DGKA: variants seen among roughly 807,000 people sequenced by gnomAD.
The protein encoded by DGKA is diacylglycerol kinase alpha.
DGKA carries 35 observed loss-of-function variants against 105.0 expected under a neutral mutation model. That is an observed-to-expected ratio of 0.33 (90% CI 0.25 to 0.44). The LOEUF (loss-of-function observed/expected upper bound fraction) is 0.44, where lower values mean the gene tolerates loss of function less well. Ranked by LOEUF, DGKA falls within the 20% of genes least tolerant of loss-of-function variation. The pLI is 1.00. For synonymous variants in DGKA, 296 were observed against 332.0 expected (o/e 0.89, Z 1.18); for missense variants, 665 against 915.0 (o/e 0.73, Z 3.53).
Position 55,938,751 on chromosome 12 carries a change from G to T in DGKA, c.400-164G>T, listed in dbSNP as rs1231550093. On this transcript the variant is annotated intron_variant, in intron 6 of 23. Coordinates refer to ENST00000331886, the MANE Select transcript of DGKA (RefSeq NM_001345.5). ...AGAGAATGCTGGATACATGAATTGG[G>T]TCTGCCTTACAAACATACAAACACA... The T allele has an allele frequency of 3.3e-6, 5 of 1,532,114 alleles. No individual in the cohort carries two copies. In the Admixed American group the frequency reaches 1.0e-4, roughly 31 times the overall value. 94.9% of individuals were successfully genotyped at this position (1,532,114 alleles called of 1,614,324 possible). A position where few individuals can be genotyped will look rare whatever the true frequency, so the allele number is the denominator to read the frequency against.
chr12:55,951,852 A>G, intron 18 of DGKA, 69 bp downstream of exon 18: 1 of 1,578,132 alleles, frequency 6.3e-7, no homozygotes, highest in Admixed American at 1.7e-5. Context: ...GGAGGAGAGC[A>G]GAAAAGGAGG....
intron 5 of DGKA, 51 bp downstream of exon 5, chr12:55,938,103 G>T (rs369998947): frequency 1.3e-6 from 2 of 1,486,776 alleles, no homozygotes; most frequent in Admixed American, 3.4e-5. Context: ...GGAGAGAGAG[G>T]TGTTTCCCAT....
At position 55,932,734 on chromosome 12, in the gene DGKA, CACA is replaced by C; in HGVS notation, c.-82+1391_-82+1393del. 1.6e-6 allele frequency: 1 copy of C among 620,796 alleles called. No homozygotes were observed. The highest frequency in any genetic ancestry group is 2.9e-6 in the Non-Finnish European group (1 of 340,280). 38.5% of individuals were successfully genotyped at this position (620,796 alleles called of 1,614,324 possible). A position where few individuals can be genotyped will look rare whatever the true frequency, so the allele number is the denominator to read the frequency against. ...GCACACACACACACACACACACACACACACACAACCCCCTCAGCCAGGTGTAGC... is the reference window on the plus strand; with the variant it reads ...GCACACACACACACACACACACACACCACAACCCCCTCAGCCAGGTGTAGC... On this transcript the variant is annotated intron_variant, in intron 1 of 23. Coordinates refer to ENST00000331886, the MANE Select transcript of DGKA (RefSeq NM_001345.5). The surrounding 1 kb of genome is among the most constrained non-coding windows in gnomAD (Gnocchi z 4.3).
rs776525725 is a variant in DGKA, at chr12:55,936,889, C to G, written c.65-128C>G. 7.6e-6 allele frequency: 7 copies of G among 921,784 alleles called. No individual in the cohort carries two copies. In the South Asian group the frequency reaches 7.8e-5, roughly 10 times the overall value. 57.1% of individuals were successfully genotyped at this position (921,784 alleles called of 1,614,324 possible). ...TTTGGAGGATCTGAAATATTTTTCC[C>G]TCTGTATTTCTGTGTTTCTTCTTGG... is the stretch of plus-strand genomic sequence containing the variant. On this transcript the variant is annotated intron_variant, in intron 2 of 23. Transcript: ENST00000331886.
At chr12:55,933,965 C>T (rs764199706) in intron 1 of DGKA, among the ~76,000 whole-genome samples, 1 of 152,130 alleles carries the variant, frequency 6.6e-6, no homozygotes, top group East Asian at 1.9e-4. Context: ...GCCCACATTG[C>T]GACTGATTTC....
Position 55,953,145 on chromosome 12 carries a change from C to A in DGKA, c.2048C>A (p.Ser683Tyr), listed in dbSNP as rs1362838495. ...GCTGGACGTCGGCTGGCCAAGTGCT[C>A]TGAGATCACCTTCCAGTAAGGAAGA... is the stretch of plus-strand genomic sequence containing the variant. ...KNAGRRLAKC[S>Y]EITFHTTKTL... The change falls in exon 22 of 24, where the codon TCT becomes TAT. Residue 683 changes from serine to tyrosine, a missense_variant. Transcript: ENST00000331886. 2 of 1,614,058 alleles carry A rather than the reference C, an allele frequency of 1.2e-6. No individual in the cohort carries two copies. The highest frequency in any genetic ancestry group is 3.3e-5 in the Admixed American group (2 of 60,010).
At chr12:55,928,036 T>G (rs1389274551), upstream of DGKA, 5 of 506,796 alleles carry the variant, frequency 9.9e-6, no homozygotes, top group Non-Finnish European at 1.7e-5. Context: ...GTAGTGTCAC[T>G]CCATTTGTAG....
chr12:55,934,757 G>C (rs371916122), intron 1 of DGKA, among the ~76,000 whole-genome samples: 27 of 152,224 alleles, frequency 1.8e-4, no homozygotes, highest in African/African-American at 6.5e-4. Context: ...CTGTCAGGTG[G>C]ACACTCTGGC....
chr12:55,938,409 C>T (rs1885205306), intron 5 of DGKA, 102 bp from the exon 6 acceptor site: 3 of 1,492,984 alleles, frequency 2.0e-6, no homozygotes, highest in Non-Finnish European at 2.8e-6. Flanking sequence ...GGCTTCTCAC[C>T]CAAAAGCTCT....
At position 55,941,501 on chromosome 12, in the gene DGKA, C is replaced by T. The variant is rs1173382710; in HGVS notation, c.1176-9C>T. 1 of 1,614,042 alleles carries T rather than the reference C, an allele frequency of 6.2e-7. No homozygotes were observed. The highest frequency in any genetic ancestry group is 8.5e-7 in the Non-Finnish European group (1 of 1,179,972). ...GCCTGCCATGAACTTTTCTTTTTCC[C>T]ACACACAGGGTGCTCTGGAAGTTCC... On this transcript the variant is annotated splice_polypyrimidine_tract_variant and intron_variant, in intron 14 of 23. Transcript: ENST00000331886.
chr12:55,928,081 C>A (rs1046968295), upstream of DGKA, among the ~76,000 whole-genome samples: 1 of 152,178 alleles, frequency 6.6e-6, no homozygotes, highest in South Asian at 2.1e-4. Flanking sequence ...ATTCTGCAGA[C>A]GAACCCATAT....
Position 55,932,541 on chromosome 12 carries a change from C to T in DGKA, c.-82+1197C>T. The T allele has an allele frequency of 1.4e-6, 1 of 702,336 alleles. No homozygotes were observed. Among genetic ancestry groups the T allele is most frequent in the Non-Finnish European group, 2.6e-6 (1 of 384,828 alleles). The allele number at this position is 702,336 out of a possible 1,614,324, so 43.5% of individuals were successfully genotyped here. On this transcript the variant is annotated intron_variant, in intron 1 of 23. Transcript: ENST00000331886. This position sits in a 1 kb window ranked among gnomAD's most constrained non-coding sequence, Gnocchi z 4.3. The stretch of plus-strand genomic sequence containing the variant: ...TTTCTGAAAATACCTGAGTCTGAAT[C>T]TCACTTTTCACCTTGATAGGAGAAA...
intron 15 of DGKA, 25 bp downstream of exon 15, chr12:55,941,609 C>T: frequency 1.9e-6 from 3 of 1,611,328 alleles, no homozygotes; most frequent in Non-Finnish European, 2.5e-6. Flanking sequence ...GGGACTGTAT[C>T]ACAGTGTTTT....
chr12:55,942,045 G>A lies in DGKA; in HGVS notation c.1298G>A (p.Gly433Asp). The A allele has an allele frequency of 6.2e-7, 1 of 1,614,196 alleles. No individual in the cohort carries two copies. The highest frequency in any genetic ancestry group is 8.5e-7 in the Non-Finnish European group (1 of 1,180,030). Reference protein sequence around the residue: ...DVPDSRILVCGGDGTVGWILE... With the variant: ...DVPDSRILVCDGDGTVGWILE... ...CCTGATAGCCGGATTTTGGTGTGTGGTGGAGACGGCACAGTAGGCTGGATT... is the reference window on the plus strand; with the variant it reads ...CCTGATAGCCGGATTTTGGTGTGTGATGGAGACGGCACAGTAGGCTGGATT... The change falls in exon 16 of 24, where the codon GGT becomes GAT. Residue 433 changes from glycine to aspartate, a missense_variant. This residue lies in a region of DGKA where 504 missense variants were observed against 681.2 expected (regional missense o/e 0.74). Coordinates refer to ENST00000331886, the MANE Select transcript of DGKA (RefSeq NM_001345.5).
upstream of DGKA, chr12:55,930,316 G>A (rs1475669089): frequency 2.2e-5 from 3 of 138,830 alleles, no homozygotes; most frequent in Non-Finnish European, 3.1e-5. Context: ...TAACAGTGAA[G>A]AAAATACTGT....
chr12:55,941,029 T>G, intron 13 of DGKA, 49 bp downstream of exon 13: 1 of 1,583,624 alleles, frequency 6.3e-7, no homozygotes, highest in Non-Finnish European at 8.6e-7. Flanking sequence ...GGTTTTTCAC[T>G]GGAGCCCTCA....
chr12:55,927,954 C>T, upstream of DGKA: 5 of 647,062 alleles, frequency 7.7e-6, no homozygotes, highest in Non-Finnish European at 1.3e-5. Context: ...GGCGGACCTA[C>T]TTAGTATTCT....
chr12:55,948,952 G>T (rs1307006113), intron 17 of DGKA, among the ~76,000 whole-genome samples: 1 of 151,962 alleles, frequency 6.6e-6, no homozygotes, highest in Non-Finnish European at 1.5e-5. Context: ...AACCTGGGAG[G>T]CAGAGGTTGC....
Position 55,942,188 on chromosome 12 carries a change from C to A in DGKA, c.1351C>A (p.Pro451Thr). Residue 451 changes from proline (P) to threonine (T), a missense_variant, in exon 17 of 24, where the codon CCA (proline) becomes ACA (threonine). Physicochemically the swap from Pro to Thr is conservative, Grantham distance 38. Transcript: ENST00000331886. ...TGCCTCCGCAGACAAAGCTAACTTG[C>A]CAGTTTTGCCTCCTGTTGCTGTGTT... The part of the protein sequence containing the change: ...ILETIDKANL[P>T]VLPPVAVLPL... 6.2e-7 allele frequency: 1 copy of A among 1,614,176 alleles called. No individual in the cohort carries two copies. The highest frequency in any genetic ancestry group is 8.5e-7 in the Non-Finnish European group (1 of 1,180,022).
Sources: gnomAD v4.1 joint callset for allele counts (sites outside exome capture counted in the v4.1 genomes callset) on GRCh38, gnomAD v4.1.1 for gene constraint, gnomAD v4.1.1 regional missense constraint, Gnocchi (gnomAD v3.1) non-coding constraint, MANE v1.5 for transcripts, NCBI Gene and HGNC (gene_info 2026-07-23, HGNC 2026-07-21) for gene names.